AADAT: variants seen among roughly 807,000 people sequenced by gnomAD.
The protein encoded by AADAT is aminoadipate aminotransferase.
In AADAT, 25 loss-of-function variants were observed where a neutral mutation model predicts 56.2. The observed-to-expected ratio is 0.44, with a 90% confidence interval of 0.32 to 0.62. The LOEUF is 0.62. Ranked by LOEUF, AADAT falls within the 20% of genes least tolerant of loss-of-function variation. AADAT has a pLI of 0.04. For synonymous variants in AADAT, 173 were observed against 164.7 expected (o/e 1.05, Z -0.39); for missense variants, 387 against 510.5 (o/e 0.76, Z 2.33).
At chr4:170,062,421 A>G (rs1211110528) in intron 11 of AADAT, among the ~76,000 whole-genome samples, 2 of 152,246 alleles carry the variant, frequency 1.3e-5, no homozygotes, top group African/African-American at 4.8e-5. Flanking sequence ...TACATCAGGC[A>G]AAAAGCAGGG....
chr4:170,086,926 C>G (rs527841889), intron 3 of AADAT, among the ~76,000 whole-genome samples, 190 bp downstream of exon 3: 1 of 151,516 alleles, frequency 6.6e-6, no homozygotes, highest in East Asian at 2.0e-4. Flanking sequence ...CCTTGCCCAT[C>G]CCCGGCCACA....
At chr4:170,076,265 C>T (rs916421847) in intron 4 of AADAT, among the ~76,000 whole-genome samples, 14 of 152,074 alleles carry the variant, frequency 9.2e-5, no homozygotes, top group Non-Finnish European at 2.1e-4. Flanking sequence ...AAATAATAGC[C>T]ATCGTGGTAT....
chr4:170,073,303 C>T lies in AADAT; in HGVS notation c.487G>A (p.Glu163Lys). 1 of 1,614,060 alleles carries T rather than the reference C, an allele frequency of 6.2e-7. No homozygotes were observed. Among genetic ancestry groups the T allele is most frequent in the Middle Eastern group, 1.6e-4 (1 of 6,062 alleles). Residue 163 changes from glutamate (E) to lysine (K), a missense_variant, in exon 5 of 13, where the codon GAA (glutamate) becomes AAA (lysine). By Grantham distance (56) the Glu-to-Lys change is moderately conservative (BLOSUM62 1). Transcript: ENST00000337664. The part of the protein sequence containing the change: ...GCNIINVASD[E>K]SGIVPDSLRD... ...AGGGAATCTGGAACAATCCCACTTT[C>T]ATCACTGGCAACATTAATAATGTTG...
intron 11 of AADAT, among the ~76,000 whole-genome samples, chr4:170,062,424 A>G (rs1731237878): frequency 6.6e-6 from 1 of 152,248 alleles, no homozygotes; most frequent in Non-Finnish European, 1.5e-5. Context: ...ATCAGGCAAA[A>G]AGCAGGGAGC....
rs980256842 is a variant in AADAT at position 170,060,338 on chromosome 4, C to A, written c.*590G>T. 1 of 152,110 alleles carries A rather than the reference C, an allele frequency of 6.6e-6. No homozygotes were observed. Among genetic ancestry groups the A allele is most frequent in the Non-Finnish European group, 1.5e-5 (1 of 68,026 alleles). The allele number at this position is 152,110 out of a possible 1,614,324, so 9.4% of individuals were successfully genotyped here. ...AAATTATAACAATTTTTGCAATAAG[C>A]TCTCATTAAATTTTCCTAAAAGTAG... On this transcript the variant is annotated 3_prime_UTR_variant, in exon 13 of 13. Coordinates refer to ENST00000337664, the MANE Select transcript of AADAT (RefSeq NM_016228.4).
At chr4:170,063,760 T>A (rs962665840) in intron 11 of AADAT, among the ~76,000 whole-genome samples, 10 of 152,182 alleles carry the variant, frequency 6.6e-5, no homozygotes, top group Non-Finnish European at 1.2e-4. Context: ...TTCTTATGAT[T>A]CAAGACAAAA....
At chr4:170,082,604 A>G (rs1052149904) in intron 3 of AADAT, among the ~76,000 whole-genome samples, 1 of 152,148 alleles carries the variant, frequency 6.6e-6, no homozygotes, top group Non-Finnish European at 1.5e-5. Flanking sequence ...CTGAATGGAA[A>G]TGGTCTACAT....
At chr4:170,073,821 A>C (rs1731908882) in intron 4 of AADAT, among the ~76,000 whole-genome samples, 1 of 152,126 alleles carries the variant, frequency 6.6e-6, no homozygotes, top group Non-Finnish European at 1.5e-5. Flanking sequence ...TATTGTTCAA[A>C]AATACCTCCT....
At position 170,060,271 on chromosome 4, in the gene AADAT, T is replaced by C. The variant is rs971509446; in HGVS notation, c.*657A>G. 7 of 152,198 alleles carry C rather than the reference T, an allele frequency of 4.6e-5. No individual in the cohort carries two copies. The highest frequency in any genetic ancestry group is 7.4e-5 in the Non-Finnish European group (5 of 68,008). The allele number at this position is 152,198 out of a possible 1,614,324, so 9.4% of individuals were successfully genotyped here. Reference sequence around the variant, plus strand: ...TTAAAGGAATTTCTGTGGCATAACATAAGGTTTATGGTACTTTTACTAAAA... The same window carrying C: ...TTAAAGGAATTTCTGTGGCATAACACAAGGTTTATGGTACTTTTACTAAAA... On this transcript the variant is annotated 3_prime_UTR_variant, in exon 13 of 13. Coordinates refer to ENST00000337664, the MANE Select transcript of AADAT (RefSeq NM_016228.4).
chr4:170,088,671 G>T, intron 1 of AADAT, 107 bp from the exon 2 acceptor site: 1 of 1,131,058 alleles, frequency 8.8e-7, no homozygotes, highest in Non-Finnish European at 1.3e-6. Context: ...ACGATTTCTA[G>T]TGATAGAGTG....
chr4:170,089,366 C>T, intron 1 of AADAT: 1 of 588,766 alleles, frequency 1.7e-6, no homozygotes, highest in Non-Finnish European at 3.0e-6. Flanking sequence ...CAAGGCCGTG[C>T]CCCACAGCAG....
chr4:170,069,071 G>T, intron 7 of AADAT, 77 bp downstream of exon 7: 2 of 1,269,610 alleles, frequency 1.6e-6, no homozygotes, highest in Non-Finnish European at 2.2e-6. Flanking sequence ...GAAAAAAATT[G>T]TCTAGACTAA....
intron 3 of AADAT, among the ~76,000 whole-genome samples, chr4:170,084,716 T>G (rs1581595528): frequency 6.6e-6 from 1 of 152,334 alleles, no homozygotes; most frequent in East Asian, 1.9e-4. Context: ...CCTGTGATGT[T>G]GAATTTACCT....
upstream of AADAT, among the ~76,000 whole-genome samples, chr4:170,093,554 G>T (rs1002081945): frequency 6.6e-6 from 1 of 152,152 alleles, no homozygotes; most frequent in Admixed American, 6.5e-5. Flanking sequence ...TGATGCACCC[G>T]TCTGTGATTT....
chr4:170,071,396 T>C (rs2331801), intron 5 of AADAT, among the ~76,000 whole-genome samples: 91,524 of 152,126 alleles, frequency 0.6, 30,034 homozygotes, highest in East Asian at 0.98. Context: ...GGGATGAATG[T>C]GGGCAAAGGC....
At chr4:170,065,692 G>A (rs1416540281) in intron 10 of AADAT, among the ~76,000 whole-genome samples, 1 of 151,912 alleles carries the variant, frequency 6.6e-6, no homozygotes, top group Admixed American at 6.6e-5. Context: ...GTAGAGATGG[G>A]GTTTCACCAT....
At chr4:170,081,546 A>C (rs927885263) in intron 3 of AADAT, among the ~76,000 whole-genome samples, 2 of 152,246 alleles carry the variant, frequency 1.3e-5, no homozygotes, top group Non-Finnish European at 2.9e-5. Flanking sequence ...AAGAGAAGAT[A>C]TGAGAAGCAA....
intron 4 of AADAT, among the ~76,000 whole-genome samples, chr4:170,077,331 A>C (rs1723127010): frequency 6.6e-6 from 1 of 152,100 alleles, no homozygotes; most frequent in Admixed American, 6.5e-5. Context: ...GAACTGTGGA[A>C]GTCTTTCCAT....
chr4:170,090,494 T>C (rs1256101525), upstream of AADAT: 4 of 152,244 alleles, frequency 2.6e-5, no homozygotes, highest in Non-Finnish European at 5.9e-5. Flanking sequence ...AACATCACTT[T>C]CTCGAAGATC....
Sources: gnomAD v4.1 joint callset for allele counts (sites outside exome capture counted in the v4.1 genomes callset) on GRCh38, gnomAD v4.1.1 for gene constraint, MANE v1.5 for transcripts, NCBI Gene and HGNC (gene_info 2026-07-23, HGNC 2026-07-21) for gene names.